CHD1L: variants seen among roughly 807,000 people sequenced by gnomAD.
CHD1L encodes the protein chromodomain helicase DNA binding protein 1 like.
A neutral mutation model predicts 115.9 loss-of-function variants in CHD1L; 118 were observed. That is an observed-to-expected ratio of 1.02 (90% CI 0.88 to 1.19). The LOEUF (loss-of-function observed/expected upper bound fraction) is 1.19, where lower values mean the gene tolerates loss of function less well. Ranked by LOEUF, CHD1L falls within the 50% of genes most tolerant of loss-of-function variation. The pLI is 0.00. For synonymous variants in CHD1L, 411 were observed against 387.1 expected, an observed-to-expected ratio of 1.06 and a Z score of -0.72; for missense variants, 1,179 against 1,065.3, an observed-to-expected ratio of 1.11 and a Z score of -1.49.
At chr1:147,293,761 G>C (rs1553973360) in intron 21 of CHD1L, 39 bp downstream of exon 21, 2 of 1,538,540 alleles carry the variant, frequency 1.3e-6, no homozygotes, top group South Asian at 1.1e-5. Context: ...AGATGAATTT[G>C]TTTCTAGGCA....
At chr1:147,199,762 A>G in the CHD1L span, among the ~76,000 whole-genome samples, 2 of 152,202 alleles carry the variant, frequency 1.3e-5, no homozygotes, top group Admixed American at 1.3e-4. Flanking sequence ...AATCTGCTGG[A>G]TAGGACTGGA....
In CHD1L at chr1:147,286,362, G is replaced by A. The variant is rs1392761683; in HGVS notation, c.2083G>A (p.Glu695Lys). 6.2e-7 allele frequency: 1 copy of A among 1,614,190 alleles called. No individual in the cohort carries two copies. The highest frequency in any genetic ancestry group is 1.3e-5 in the African/African-American group (1 of 75,054). Residue 695 changes from glutamate (E) to lysine (K), a missense_variant, in exon 18 of 23, where the codon GAG (glutamate) becomes AAG (lysine). By Grantham distance (56) the Glu-to-Lys change is moderately conservative (BLOSUM62 1). Transcript: ENST00000369258. ...FCLPSEESEP[E>K]DLENGEESSA... is the part of the protein sequence containing the mutation. ...CCTGCCCTCTGAGGAGAGCGAGCCA[G>A]AGGACCTTGAGAATGGGGAAGAGAG... is the stretch of plus-strand genomic sequence containing the variant.
the CHD1L span, chr1:147,190,252 A>G: frequency 6.3e-7 from 1 of 1,584,084 alleles, no homozygotes; most frequent in South Asian, 1.1e-5. Flanking sequence ...CTTTAGACCT[A>G]AAAACAAAAA....
chr1:147,236,187 G>T, the CHD1L span, among the ~76,000 whole-genome samples: 3 of 152,182 alleles, frequency 2.0e-5, no homozygotes, highest in African/African-American at 7.2e-5. Context: ...ACTGGAGAAT[G>T]CAGTGGTGCC....
At position 147,271,086 on chromosome 1, in the gene CHD1L, A is replaced by T. The variant is rs1422773944; in HGVS notation, c.1159+81A>T. ...ATAGGTCCATGAAGAATAATATGGG[A>T]TATGAGAATATTACAAAGGAAAGCA... On this transcript the variant is annotated intron_variant, in intron 11 of 22. Transcript: ENST00000369258. 4.4e-6 allele frequency: 5 copies of T among 1,146,662 alleles called. No homozygotes were observed. In the Admixed American group the frequency reaches 7.5e-5, roughly 17 times the overall value. 71.0% of individuals were successfully genotyped at this position (1,146,662 alleles called of 1,614,324 possible).
the CHD1L span, among the ~76,000 whole-genome samples, chr1:147,197,497 G>C: frequency 6.6e-6 from 1 of 152,192 alleles, no homozygotes; most frequent in South Asian, 2.1e-4. Context: ...GGAGGGGCCT[G>C]GTGGGAGGTG....
At chr1:147,183,161 G>A in the CHD1L span, among the ~76,000 whole-genome samples, 12 of 152,252 alleles carry the variant, frequency 7.9e-5, no homozygotes, top group South Asian at 1.9e-3. Context: ...TGGCGTCACT[G>A]CACTCCAGCC....
chr1:147,286,318 A>G lies in CHD1L; in HGVS notation c.2039A>G (p.Asn680Ser). ...TAAAGGATGGCCTGGTGGGAATCCAACAATTACCAGTCCTTCTGCCTGCCC... is the reference window on the plus strand; with the variant it reads ...TAAAGGATGGCCTGGTGGGAATCCAGCAATTACCAGTCCTTCTGCCTGCCC... ...HKKKMAWWES[N>S]NYQSFCLPSE... Residue 680 changes from asparagine to serine, a missense_variant, in exon 18 of 23, where the codon AAC becomes AGC. Physicochemically the swap from Asn to Ser is conservative, Grantham distance 46 (BLOSUM62 1). Coordinates refer to ENST00000369258, the MANE Select transcript of CHD1L (RefSeq NM_004284.6). 6.2e-7 allele frequency: 1 copy of G among 1,614,080 alleles called. No individual in the cohort carries two copies. Among genetic ancestry groups the G allele is most frequent in the Non-Finnish European group, 8.5e-7 (1 of 1,180,004 alleles).
At chr1:147,242,953 C>T (rs1665227951) in intron 1 of CHD1L, 123 bp downstream of exon 1, 5 of 1,125,774 alleles carry the variant, frequency 4.4e-6, no homozygotes, top group Non-Finnish European at 4.5e-6. Context: ...CCAGGGCCTT[C>T]CTTCGCTCCT....
At chr1:147,287,831 T>G in intron 19 of CHD1L, 98 bp downstream of exon 19, 2 of 974,496 alleles carry the variant, frequency 2.1e-6, no homozygotes, top group Non-Finnish European at 3.0e-6. Flanking sequence ...AGATAAGGAA[T>G]TAGAATAACC....
intron 10 of CHD1L, among the ~76,000 whole-genome samples, 169 bp downstream of exon 10, chr1:147,269,047 C>T (rs1303205033): frequency 1.3e-5 from 2 of 152,136 alleles, no homozygotes; most frequent in African/African-American, 4.8e-5. Context: ...TATCCCACTC[C>T]ACCCCTTCCA....
At chr1:147,242,631 G>C (rs1890041), upstream of CHD1L, 603,376 of 1,235,640 alleles carry the variant, frequency 0.49, 156,175 homozygotes, top group East Asian at 0.92. Flanking sequence ...GCGCAGTCGC[G>C]CGCCCCCGCG....
intron 15 of CHD1L, among the ~76,000 whole-genome samples, chr1:147,281,771 A>C (rs1363358601): frequency 1.3e-5 from 2 of 151,732 alleles, no homozygotes; most frequent in East Asian, 3.9e-4. Flanking sequence ...CATTGCATTG[A>C]CTTTTACTTC....
chr1:147,237,545 A>T, the CHD1L span, among the ~76,000 whole-genome samples: 1 of 152,096 alleles, frequency 6.6e-6, no homozygotes, highest in Non-Finnish European at 1.5e-5. Flanking sequence ...TGCCCTGCCA[A>T]CTCAGAAGGA....
the CHD1L span, among the ~76,000 whole-genome samples, chr1:147,200,698 C>T: frequency 4.0e-5 from 6 of 151,740 alleles, no homozygotes; most frequent in Admixed American, 3.3e-4. Flanking sequence ...TAGTCTGCAA[C>T]CAGGTCTTAA....
chr1:147,224,588 C>A, the CHD1L span, among the ~76,000 whole-genome samples: 723 of 152,184 alleles, frequency 4.8e-3, 6 homozygotes, highest in African/African-American at 0.015. Context: ...CGGCTCACTG[C>A]AAGCTCTGCC....
At chr1:147,260,154 T>C in intron 6 of CHD1L, 1 of 371,768 alleles carries the variant, frequency 2.7e-6, no homozygotes, top group Non-Finnish European at 4.9e-6. Context: ...CCTACATTGA[T>C]ACATCGCTAT....
At chr1:147,290,051 A>G (rs10793658) in intron 19 of CHD1L, among the ~76,000 whole-genome samples, 33,249 of 152,178 alleles carry the variant, frequency 0.22, 4,209 homozygotes, top group Middle Eastern at 0.28. Context: ...AACCTAACCA[A>G]TAGACAGGGT....
At chr1:147,263,274 T>A (rs1288473869) in intron 6 of CHD1L, among the ~76,000 whole-genome samples, 4 of 151,808 alleles carry the variant, frequency 2.6e-5, no homozygotes, top group African/African-American at 9.7e-5. Flanking sequence ...TAAGAAAATT[T>A]AAGAAATTAG....
Sources: allele counts gnomAD v4.1 joint callset (sites outside exome capture counted in the v4.1 genomes callset), GRCh38; gene constraint gnomAD v4.1.1; transcripts MANE v1.5; gene names NCBI Gene and HGNC (gene_info 2026-07-23, HGNC 2026-07-21).